TLE5: variants seen among roughly 807,000 people sequenced by gnomAD.
The protein encoded by TLE5 is TLE family member 5.
Under a neutral mutation model 25.8 loss-of-function variants are expected in TLE5, and 7 were observed. The ratio of observed to expected loss-of-function variants is 0.27; its 90% CI spans 0.15 to 0.51. The LOEUF (loss-of-function observed/expected upper bound fraction) is 0.51. TLE5 is among the 20% of genes least tolerant of loss of function. The probability of loss-of-function intolerance (pLI) is 0.97; values close to 1 mark genes in which losing one functional copy is unlikely to be tolerated. For synonymous variants in TLE5, 132 were observed against 110.5 expected (o/e 1.20, Z -1.22); for missense variants, 149 against 250.7 (o/e 0.59, Z 2.74).
Position 3,053,484 on chromosome 19 carries a change from G to T in TLE5, c.*335C>A. 2.6e-6 allele frequency: 1 copy of T among 380,994 alleles called. No individual in the cohort carries two copies. 23.6% of individuals were successfully genotyped at this position (380,994 alleles called of 1,614,324 possible). ...CTGTCGGTTACACATGTTCAAAACG[G>T]GGGAAGGGCCGGGGCTGCTGCGCTT... On this transcript the variant is annotated 3_prime_UTR_variant, in exon 7 of 7. Transcript: ENST00000327141.
chr19:3,062,520 G>T, upstream of TLE5: 1 of 644,240 alleles, frequency 1.6e-6, no homozygotes, highest in Non-Finnish European at 1.9e-6. Flanking sequence ...TGCTGCGGAG[G>T]CTTCGGCTCC....
upstream of TLE5, chr19:3,062,540 C>A (rs2090281306): frequency 5.6e-6 from 4 of 712,968 alleles, no homozygotes; most frequent in African/African-American, 5.8e-5. Context: ...CACCTGCCGC[C>A]GCCCGTGCCC....
Position 3,053,891 on chromosome 19 carries a change from G to C in TLE5, c.522C>G (p.His174Gln), listed in dbSNP as rs774906629. Reference protein sequence around the residue: ...LSLSALGSQAHLSKEDKNGHD... With the variant: ...LSLSALGSQAQLSKEDKNGHD... Reference sequence around the variant, plus strand: ...GCCCGTTCTTGTCTTCCTTGGAGAGGTGGGCCTGGGAACCCAGCGCGGACA... The same window carrying C: ...GCCCGTTCTTGTCTTCCTTGGAGAGCTGGGCCTGGGAACCCAGCGCGGACA... Residue 174 changes from histidine to glutamine, a missense_variant, in exon 7 of 7, where the codon CAC becomes CAG. Physicochemically the swap from His to Gln is conservative, Grantham distance 24 (BLOSUM62 0). Coordinates refer to ENST00000327141, the MANE Select transcript of TLE5 (RefSeq NM_001130.6). 6.2e-7 allele frequency: 1 copy of C among 1,613,278 alleles called. No homozygotes were observed. Among genetic ancestry groups the C allele is most frequent in the Non-Finnish European group, 8.5e-7 (1 of 1,179,994 alleles).
intron 6 of TLE5, 34 bp downstream of exon 6, chr19:3,054,086 T>TCGGGGGGGGGGCGCCCCC: frequency 6.6e-7 from 1 of 1,512,816 alleles, no homozygotes; most frequent in Non-Finnish European, 8.9e-7. Flanking sequence ...GGCCCACCTG[T>TCGGGGGGGGGGCGCCCCC]CCCCCGCCCA....
intron 4 of TLE5, chr19:3,056,060 C>A: frequency 1.9e-6 from 1 of 513,766 alleles, no homozygotes; most frequent in Middle Eastern, 5.1e-4. Flanking sequence ...GGGCCGTAGG[C>A]TGTGGGGAAG....
At chr19:3,059,446 C>T (rs1379190044) in intron 2 of TLE5, among the ~76,000 whole-genome samples, 2 of 152,176 alleles carry the variant, frequency 1.3e-5, no homozygotes, top group Non-Finnish European at 2.9e-5. Context: ...CGCTTGAATC[C>T]CAAAGGTGGA....
At chr19:3,057,280 CTTT>C (rs1222278880) in intron 3 of TLE5, among the ~76,000 whole-genome samples, 1 of 152,246 alleles carries the variant, frequency 6.6e-6, no homozygotes, top group African/African-American at 2.4e-5. Flanking sequence ...CAGGCTTCTT[CTTT>C]GAGCTCGGGC....
rs1484043055 is a variant in TLE5, at chr19:3,062,352, GC to G, written c.-153del. The G allele has an allele frequency of 5.1e-6, 5 of 974,762 alleles. No individual in the cohort carries two copies. Among genetic ancestry groups the G allele is most frequent in the Non-Finnish European group, 6.1e-6 (5 of 824,704 alleles). 60.4% of individuals were successfully genotyped at this position (974,762 alleles called of 1,614,324 possible). ...CCGCGCCCGGCCTCGCCCGCTTCCT[GC>G]GCCCCCTCCCCGCGCGCCCGGCCCC... On this transcript the variant is annotated 5_prime_UTR_variant, in exon 1 of 7. Transcript: ENST00000327141.
At chr19:3,061,072 T>C in intron 2 of TLE5, 88 bp downstream of exon 2, 1 of 953,974 alleles carries the variant, frequency 1.0e-6, no homozygotes, top group Non-Finnish European at 1.7e-6. Context: ...ATTTTCCCAA[T>C]CTCCAGGCCT....
At chr19:3,055,610 G>C (rs3895651) in intron 5 of TLE5, 54 bp downstream of exon 5, 1 of 1,506,362 alleles carries the variant, frequency 6.6e-7, no homozygotes, top group Non-Finnish European at 9.0e-7. Context: ...GTGGACAGGG[G>C]CTGGGCAAGT....
At chr19:3,054,086 T>TCGGGGGCCC in intron 6 of TLE5, 34 bp downstream of exon 6, 3 of 1,512,812 alleles carry the variant, frequency 2.0e-6, no homozygotes, top group Non-Finnish European at 2.7e-6. Context: ...GGCCCACCTG[T>TCGGGGGCCC]CCCCCGCCCA....
chr19:3,054,219 G>A, intron 5 of TLE5, 25 bp from the exon 6 acceptor site: 2 of 1,602,894 alleles, frequency 1.2e-6, no homozygotes, highest in Non-Finnish European at 1.7e-6. Flanking sequence ...GGGGAGAGGA[G>A]AGGCAGTGAT....
Position 3,060,357 on chromosome 19 carries a change from C to CA in TLE5, c.125+802dup, listed in dbSNP as rs199893092. Among the ~76,000 whole-genome samples the CA allele has an allele frequency of 7.5e-3, 731 of 97,728 alleles. 7 individuals are homozygous for CA. The highest frequency in any genetic ancestry group is 0.031 in the African/African-American group (688 of 22,090). 64.1% of individuals were successfully genotyped at this position (97,728 alleles called of 152,430 possible). ...TTTTTTTTTTTTTTTTTTTTTGAGA[C>CA]AGAGTCTCCCTGTTACCCAGGCTGG... is the stretch of plus-strand genomic sequence containing the variant. On this transcript the variant is annotated intron_variant, in intron 2 of 6. Coordinates refer to ENST00000327141, the MANE Select transcript of TLE5 (RefSeq NM_001130.6).
intron 2 of TLE5, among the ~76,000 whole-genome samples, chr19:3,059,945 G>C (rs1212892347): frequency 1.3e-5 from 2 of 152,190 alleles, no homozygotes; most frequent in Non-Finnish European, 2.9e-5. Flanking sequence ...ACGACAGGAA[G>C]GATGAAGCAC....
Position 3,053,574 on chromosome 19 carries a change from CAT to C in TLE5, c.*243_*244del, listed in dbSNP as rs1183035287. On this transcript the variant is annotated 3_prime_UTR_variant, in exon 7 of 7. Coordinates refer to ENST00000327141, the MANE Select transcript of TLE5 (RefSeq NM_001130.6). ...ACCCTCCAGGCCTTAGCTTGCCTCA[CAT>C]GTCAGGGCAGGTATCCACCTAACCA... The C allele has an allele frequency of 1.2e-5, 7 of 574,888 alleles. No homozygotes were observed. In the East Asian group the frequency reaches 1.5e-4, roughly 12 times the overall value. The allele number at this position is 574,888 out of a possible 1,614,324, so 35.6% of individuals were successfully genotyped here. A position where few individuals can be genotyped will look rare whatever the true frequency, so the allele number is the denominator to read the frequency against.
intron 5 of TLE5, chr19:3,054,593 TC>T (rs2090202278): frequency 4.7e-6 from 1 of 213,158 alleles, no homozygotes; most frequent in Non-Finnish European, 9.5e-6. Flanking sequence ...GACGTCCTGA[TC>T]CTAGGAGCTC....
At chr19:3,058,720 G>A (rs570928230) in intron 2 of TLE5, among the ~76,000 whole-genome samples, 18 of 152,312 alleles carry the variant, frequency 1.2e-4, no homozygotes, top group Middle Eastern at 3.4e-3. Flanking sequence ...CGTCATGGCC[G>A]GAGGGAAGAG....
At chr19:3,059,908 C>G (rs986234691) in intron 2 of TLE5, among the ~76,000 whole-genome samples, 1 of 152,300 alleles carries the variant, frequency 6.6e-6, no homozygotes, top group Middle Eastern at 3.4e-3. Flanking sequence ...TCAGTTTGCC[C>G]AGCTTGAGAA....
intron 2 of TLE5, among the ~76,000 whole-genome samples, chr19:3,058,930 A>C (rs146365404): frequency 4.9e-4 from 75 of 152,302 alleles, no homozygotes; most frequent in African/African-American, 1.8e-3. Context: ...GACTCTAGGC[A>C]AACTCCACTA....
Sources: gnomAD v4.1 joint callset for allele counts (sites outside exome capture counted in the v4.1 genomes callset) on GRCh38, gnomAD v4.1.1 for gene constraint, MANE v1.5 for transcripts, NCBI Gene and HGNC (gene_info 2026-07-23, HGNC 2026-07-21) for gene names.